The following DOCK8 variants were observed in gnomAD, a reference collection of about 807,000 sequenced individuals.
DOCK8 encodes dedicator of cytokinesis 8.
A neutral mutation model predicts 245.6 loss-of-function variants in DOCK8; 141 were observed. That is an observed-to-expected ratio of 0.57 (90% CI 0.50 to 0.66). The LOEUF is 0.66. DOCK8 is among the 30% of genes least tolerant of loss of function. The pLI, the probability that DOCK8 is intolerant of heterozygous loss-of-function variation, is 0.00. For missense variants in DOCK8, 2,965 were observed against 2,603.4 expected (o/e 1.14, Z -3.02); for synonymous variants, 1,168 against 970.2 (o/e 1.20, Z -3.79).
chr9:304,531 C>A (rs372695131), intron 4 of DOCK8, 50 bp from the exon 5 acceptor site: 2 of 1,611,576 alleles, frequency 1.2e-6, no homozygotes, highest in South Asian at 2.2e-5. Context: ...TAATGGTTTG[C>A]CGCTCTCTCT....
chr9:284,632 C>T (rs533472602), intron 2 of DOCK8: 36 of 152,172 alleles, frequency 2.4e-4, no homozygotes, highest in Non-Finnish European at 4.6e-4. Context: ...ACCATAAAGA[C>T]ACACGCGTGT....
intron 13 of DOCK8, among the ~76,000 whole-genome samples, chr9:339,874 A>G (rs2051495810): frequency 6.6e-6 from 1 of 152,232 alleles, no homozygotes; most frequent in African/African-American, 2.4e-5. Flanking sequence ...TTACTTAACA[A>G]TGTAAAATTA....
Position 432,236 on chromosome 9 carries a change from A to C in DOCK8, c.4697A>C (p.Asn1566Thr). 1 of 1,613,876 alleles carries C rather than the reference A, an allele frequency of 6.2e-7. No individual in the cohort carries two copies. Among genetic ancestry groups the C allele is most frequent in the South Asian group, 1.1e-5 (1 of 91,066 alleles). Residue 1566 changes from asparagine (N) to threonine (T), a missense_variant, in exon 37 of 48, where the codon AAT (asparagine) becomes ACT (threonine). Asn to Thr is a moderately conservative substitution (Grantham distance 65). Coordinates refer to ENST00000432829, the MANE Select transcript of DOCK8 (RefSeq NM_203447.4). ...ASLVGRAPDF[N>T]EEHLRRSLRT... is the part of the protein sequence containing the mutation. ...TTGGTGGGAAGAGCACCAGACTTTAATGAAGAGCACCTGAGAAGATCCTTG... is the reference window on the plus strand; with the variant it reads ...TTGGTGGGAAGAGCACCAGACTTTACTGAAGAGCACCTGAGAAGATCCTTG...
At chr9:389,134 C>A (rs996314754) in intron 23 of DOCK8, among the ~76,000 whole-genome samples, 2 of 152,158 alleles carry the variant, frequency 1.3e-5, no homozygotes, top group African/African-American at 4.8e-5. Context: ...TTGCCCAGGA[C>A]TGAGGGAGTC....
intron 1 of DOCK8, among the ~76,000 whole-genome samples, chr9:264,598 A>G (rs1421389726): frequency 6.6e-6 from 1 of 152,222 alleles, no homozygotes. Context: ...TATGGCTGAA[A>G]ATATGTATGC....
At chr9:400,260 C>T (rs2054807115) in intron 26 of DOCK8, among the ~76,000 whole-genome samples, 1 of 106,004 alleles carries the variant, frequency 9.4e-6, no homozygotes, top group African/African-American at 4.0e-5. Context: ...CCATCACCAC[C>T]ACCTCCACCA....
In DOCK8 at chr9:418,221, C is replaced by G. The variant is rs1194112853; in HGVS notation, c.3840+14C>G. ...CTGTCTTCCTTGGTATGTTGGTGCA[C>G]ATGTGTCTGGTTGATTTTTCATTTC... On this transcript the variant is annotated intron_variant, in intron 30 of 47. Transcript: ENST00000432829. 6.2e-7 allele frequency: 1 copy of G among 1,613,884 alleles called. No homozygotes were observed. Among genetic ancestry groups the G allele is most frequent in the Non-Finnish European group, 8.5e-7 (1 of 1,179,920 alleles).
intron 1 of DOCK8, among the ~76,000 whole-genome samples, chr9:263,803 T>G (rs2047977173): frequency 6.6e-6 from 1 of 152,232 alleles, no homozygotes; most frequent in African/African-American, 2.4e-5. Flanking sequence ...CTTTTTCAAT[T>G]GAGAAGTTAA....
chr9:363,583 G>A (rs1252193388), intron 14 of DOCK8, among the ~76,000 whole-genome samples: 2 of 152,194 alleles, frequency 1.3e-5, no homozygotes, highest in East Asian at 3.8e-4. Context: ...TTAGAAATAT[G>A]ATGACCCTTA....
intron 4 of DOCK8, among the ~76,000 whole-genome samples, chr9:304,317 G>A (rs555479041): frequency 5.9e-5 from 9 of 152,278 alleles, no homozygotes; most frequent in African/African-American, 2.2e-4. Context: ...CAGCTGAAAT[G>A]ACCGCACCTC....
intron 27 of DOCK8, 83 bp downstream of exon 27, chr9:405,156 A>ATTT: frequency 3.6e-6 from 5 of 1,393,176 alleles, no homozygotes; most frequent in Non-Finnish European, 4.0e-6. Context: ...TTTCCTATAA[A>ATTT]GGTTAGTCTT....
intron 13 of DOCK8, 67 bp downstream of exon 13, chr9:339,166 G>C: frequency 7.7e-7 from 1 of 1,303,582 alleles, no homozygotes; most frequent in Non-Finnish European, 1.1e-6. Flanking sequence ...CACAGTCTTT[G>C]TCTAATGCCA....
intron 14 of DOCK8, among the ~76,000 whole-genome samples, chr9:341,834 T>C (rs1368626534): frequency 6.6e-6 from 1 of 152,200 alleles, no homozygotes; most frequent in Non-Finnish European, 1.5e-5. Flanking sequence ...TTGCTGGCAT[T>C]ACCACCTGAG....
In DOCK8 at chr9:378,794, G is replaced by T. The variant is rs558588776; in HGVS notation, c.2441-977G>T. Among the ~76,000 whole-genome samples, 7 of 152,380 alleles carry T rather than the reference G, an allele frequency of 4.6e-5. No homozygotes were observed. The South Asian group carries it at 1.4e-3, about 32-fold the overall frequency. ...TGGCTAGTCTACAAGCATTTATTCA[G>T]AACCTATTCTGTGTCTCTGCAATGG... On this transcript the variant is annotated intron_variant, in intron 20 of 47. Coordinates refer to ENST00000432829, the MANE Select transcript of DOCK8 (RefSeq NM_203447.4).
rs144696526 is a variant in DOCK8, at chr9:252,046, T to A, written c.54-19581T>A. 9.6e-3 allele frequency among the ~76,000 whole-genome samples: 1,430 copies of A among 149,140 alleles called. 17 individuals are homozygous for A. The highest frequency in any genetic ancestry group is 0.015 in the Non-Finnish European group (1,006 of 67,368). The stretch of plus-strand genomic sequence containing the variant: ...TGGAGTGCAGTGGTGAGATCTCGGC[T>A]CACTGCAACCTCTGCCACCTGGGTT... On this transcript the variant is annotated intron_variant, in intron 1 of 47. Transcript: ENST00000432829.
At chr9:289,956 T>A (rs1212628979) in intron 4 of DOCK8, among the ~76,000 whole-genome samples, 2 of 152,236 alleles carry the variant, frequency 1.3e-5, no homozygotes, top group African/African-American at 4.8e-5. Flanking sequence ...CTAAAAATCC[T>A]CTGTGTTCCA....
At chr9:392,245 C>T (rs926299356) in intron 24 of DOCK8, among the ~76,000 whole-genome samples, 2 of 151,432 alleles carry the variant, frequency 1.3e-5, no homozygotes, top group African/African-American at 4.9e-5. Flanking sequence ...AAATGCTGAA[C>T]AATAGGACAC....
chr9:407,463 T>A (rs1327265969), intron 28 of DOCK8, among the ~76,000 whole-genome samples: 1 of 152,178 alleles, frequency 6.6e-6, no homozygotes, highest in African/African-American at 2.4e-5. Flanking sequence ...ATGAAGGAAA[T>A]AATGGCTGCT....
chr9:396,967 G>C, intron 25 of DOCK8, 33 bp downstream of exon 25: 1 of 1,598,746 alleles, frequency 6.3e-7, no homozygotes, highest in African/African-American at 1.3e-5. Flanking sequence ...TTTCTAAATT[G>C]TTTACCTGGA....
Sources: gnomAD v4.1 joint callset for allele counts (sites outside exome capture counted in the v4.1 genomes callset) on GRCh38, gnomAD v4.1.1 for gene constraint, MANE v1.5 for transcripts, NCBI Gene and HGNC (gene_info 2026-07-23, HGNC 2026-07-21) for gene names.